The following SPATS2 variants were observed in gnomAD, a reference collection of about 807,000 sequenced individuals.
The protein encoded by SPATS2 is spermatogenesis associated serine rich 2.
In SPATS2, 38 loss-of-function variants were observed where a neutral mutation model predicts 63.7. That is an observed-to-expected ratio of 0.60 (90% confidence interval 0.46 to 0.78). The LOEUF (loss-of-function observed/expected upper bound fraction) is 0.78. Among genes scored for constraint, SPATS2 ranks in the 30% least tolerant of loss-of-function variants. SPATS2 has a pLI of 0.00. For synonymous variants in SPATS2, 207 were observed against 232.9 expected (o/e 0.89, Z 1.01); for missense variants, 588 against 666.2 (o/e 0.88, Z 1.29).
At chr12:49,439,828 T>C (rs1466686200) in intron 2 of SPATS2, among the ~76,000 whole-genome samples, 1 of 152,230 alleles carries the variant, frequency 6.6e-6, no homozygotes, top group Non-Finnish European at 1.5e-5. Flanking sequence ...GTCTTTGCCC[T>C]TTCCTATGTC....
At chr12:49,508,233 A>G (rs1344420147) in intron 9 of SPATS2, among the ~76,000 whole-genome samples, 1 of 150,582 alleles carries the variant, frequency 6.6e-6, no homozygotes, top group Non-Finnish European at 1.5e-5. Context: ...TTTTAGACTG[A>G]GTCTCGTTCT....
intron 1 of SPATS2, among the ~76,000 whole-genome samples, chr12:49,368,845 T>C (rs756975201): frequency 4.6e-5 from 7 of 152,214 alleles, no homozygotes; most frequent in Non-Finnish European, 8.8e-5. Context: ...TAAGTTTTGC[T>C]GACTCATCTA....
At chr12:49,460,040 G>T (rs537195806) in intron 2 of SPATS2, among the ~76,000 whole-genome samples, 2 of 149,268 alleles carry the variant, frequency 1.3e-5, no homozygotes, top group Non-Finnish European at 3.0e-5. Flanking sequence ...CCTGGGAGGC[G>T]GAGTTTGCAG....
At chr12:49,468,101 T>C (rs987612639) in intron 3 of SPATS2, among the ~76,000 whole-genome samples, 1 of 151,700 alleles carries the variant, frequency 6.6e-6, no homozygotes, top group Non-Finnish European at 1.5e-5. Flanking sequence ...CTTTTCCTTC[T>C]CTTCTTTTTC....
rs1946072656 is a variant in SPATS2, at chr12:49,473,463, C to T, written c.26-11127C>T. On this transcript the variant is annotated intron_variant, in intron 3 of 13. Coordinates refer to ENST00000552918, the MANE Select transcript of SPATS2 (RefSeq NM_023071.4). ...AATCTCAAACACTACTAGTGAGAAT[C>T]TAAATTGGTACAGTGTCTTTGAAAA... Among the ~76,000 whole-genome samples the T allele has an allele frequency of 2.6e-5, 4 of 152,132 alleles. No homozygotes were observed. In the South Asian group the frequency reaches 6.2e-4, roughly 24 times the overall value.
chr12:49,525,088 T>C (rs573533593), intron 13 of SPATS2, among the ~76,000 whole-genome samples, 192 bp downstream of exon 13: 1 of 152,378 alleles, frequency 6.6e-6, no homozygotes, highest in African/African-American at 2.4e-5. Flanking sequence ...AGTTTAGATT[T>C]CCTGTTGCCA....
At chr12:49,494,707 T>A (rs1184605945) in intron 6 of SPATS2, 34 bp from the exon 7 acceptor site, 3 of 1,477,652 alleles carry the variant, frequency 2.0e-6, no homozygotes, top group Non-Finnish European at 2.7e-6. Flanking sequence ...TTTTCTTTCT[T>A]TTCTTTTCTT....
intron 2 of SPATS2, among the ~76,000 whole-genome samples, chr12:49,376,445 G>A (rs1392706689): frequency 7.9e-5 from 12 of 151,842 alleles, no homozygotes; most frequent in African/African-American, 2.9e-4. Context: ...CGCTCAAGTT[G>A]GAGTGCAGTG....
chr12:49,518,856 T>G (rs895694171), intron 10 of SPATS2, among the ~76,000 whole-genome samples: 16 of 152,224 alleles, frequency 1.1e-4, no homozygotes, highest in Admixed American at 2.6e-4. Flanking sequence ...TAACAATGAT[T>G]TATGAGTGTT....
chr12:49,382,403 C>G (rs1017443195), intron 2 of SPATS2, among the ~76,000 whole-genome samples: 3 of 152,180 alleles, frequency 2.0e-5, no homozygotes, highest in Non-Finnish European at 4.4e-5. Context: ...CTTTTTTATC[C>G]TTCCAAAGAT....
chr12:49,396,734 C>T (rs956598114), intron 2 of SPATS2, among the ~76,000 whole-genome samples: 2 of 152,216 alleles, frequency 1.3e-5, no homozygotes, highest in East Asian at 1.9e-4. Flanking sequence ...GTTTCTACTT[C>T]GCATTTCATG....
At chr12:49,480,674 A>G (rs1946191197) in intron 3 of SPATS2, among the ~76,000 whole-genome samples, 1 of 152,058 alleles carries the variant, frequency 6.6e-6, no homozygotes, top group South Asian at 2.1e-4. Flanking sequence ...TGGTAGTTCT[A>G]TGTTTTATCT....
chr12:49,397,701 A>C (rs1240213485), intron 2 of SPATS2, among the ~76,000 whole-genome samples: 1 of 151,948 alleles, frequency 6.6e-6, no homozygotes, highest in Non-Finnish European at 1.5e-5. Context: ...ATGGTAGTGC[A>C]TGCCTGTAGT....
Position 49,400,065 on chromosome 12 carries a change from A to C in SPATS2, c.-244+28775A>C, listed in dbSNP as rs1944579125. Among the ~76,000 whole-genome samples, 3 of 152,190 alleles carry C rather than the reference A, an allele frequency of 2.0e-5. No individual in the cohort carries two copies. The South Asian group carries it at 6.2e-4, about 32-fold the overall frequency. Reference sequence around the variant, plus strand: ...AAAAGAAAAAAATATGGTACCATGTACCAGGCACTGTTAGAGTTACAGCTG... The same window carrying C: ...AAAAGAAAAAAATATGGTACCATGTCCCAGGCACTGTTAGAGTTACAGCTG... On this transcript the variant is annotated intron_variant, in intron 2 of 13. Transcript: ENST00000552918.
intron 10 of SPATS2, among the ~76,000 whole-genome samples, chr12:49,516,166 AATATATATATATATATATATATAT>A (rs869230532): frequency 1.6e-4 from 5 of 30,822 alleles, no homozygotes; most frequent in East Asian, 2.4e-3. Flanking sequence ...AAAAAAAAAA[AATATATATATATATATATATATAT>A]ATATATATAT....
At chr12:49,449,719 C>G (rs188808031) in intron 2 of SPATS2, among the ~76,000 whole-genome samples, 109 of 152,264 alleles carry the variant, frequency 7.2e-4, no homozygotes, top group African/African-American at 2.6e-3. Flanking sequence ...GGGGAACTCC[C>G]ATTTATAAAA....
chr12:49,439,990 G>C (rs1252595047), intron 2 of SPATS2, among the ~76,000 whole-genome samples: 1 of 152,060 alleles, frequency 6.6e-6, no homozygotes, highest in Non-Finnish European at 1.5e-5. Context: ...TGCAGCAATA[G>C]GTTTTTAACT....
chr12:49,462,337 G>C, intron 3 of SPATS2: 1 of 702,412 alleles, frequency 1.4e-6, no homozygotes, highest in South Asian at 1.5e-5. Context: ...CCGGCTGGCT[G>C]CTTCAGTACC....
At position 49,395,432 on chromosome 12, in the gene SPATS2, T is replaced by TGA. The variant is rs1297274182; in HGVS notation, c.-244+24142_-244+24143insGA. Among the ~76,000 whole-genome samples, 78 of 151,890 alleles carry TGA rather than the reference T, an allele frequency of 5.1e-4. 1 individual carries two copies. Among genetic ancestry groups the TGA allele is most frequent in the African/African-American group, 1.8e-3 (74 of 41,384 alleles). On this transcript the variant is annotated intron_variant, in intron 2 of 13. Transcript: ENST00000552918. ...ATACTACCTTGTTTTTCAGATTTTT[T>TGA]TTTTTTTTTTGAGACAGAATCTCAC...
Sources: allele counts gnomAD v4.1 joint callset (sites outside exome capture counted in the v4.1 genomes callset), GRCh38; gene constraint gnomAD v4.1.1; transcripts MANE v1.5; gene names NCBI Gene and HGNC (gene_info 2026-07-23, HGNC 2026-07-21).